Variants in KL observed in about 807,000 individuals in gnomAD.
KL encodes the protein klotho.
Under a neutral mutation model 84.2 loss-of-function variants are expected in KL, and 62 were observed. The ratio of observed to expected loss-of-function variants is 0.74; its 90% CI spans 0.60 to 0.91. The LOEUF (loss-of-function observed/expected upper bound fraction) is 0.91, where lower values mean the gene tolerates loss of function less well. Among genes scored for constraint, KL ranks in the 40% least tolerant of loss-of-function variants. KL has a pLI of 0.00. For synonymous variants in KL, 528 were observed against 528.0 expected, an observed-to-expected ratio of 1.00 and a Z score of 0.00; for missense variants, 1,261 against 1,305.7, an observed-to-expected ratio of 0.97 and a Z score of 0.53.
chr13:33,052,140 T>A (rs1871778369), intron 1 of KL, among the ~76,000 whole-genome samples: 1 of 152,078 alleles, frequency 6.6e-6, no homozygotes, highest in Non-Finnish European at 1.5e-5. Flanking sequence ...GATTTTTTGG[T>A]AGAAATGGGG....
Position 33,041,553 on chromosome 13 carries a change from C to G in KL, c.820-12214C>G, listed in dbSNP as rs111257143. Among the ~76,000 whole-genome samples the G allele has an allele frequency of 6.1e-4, 93 of 152,022 alleles. 1 individual carries two copies. Among genetic ancestry groups the G allele is most frequent in the Non-Finnish European group, 7.1e-4 (48 of 67,972 alleles). ...TTTCCATGTATTGACTTAGTTAATCCTCACAAGGATATAACCATGAGGTGC... is the reference window on the plus strand; with the variant it reads ...TTTCCATGTATTGACTTAGTTAATCGTCACAAGGATATAACCATGAGGTGC... On this transcript the variant is annotated intron_variant, in intron 1 of 4. Transcript: ENST00000380099.
At chr13:33,025,820 T>A (rs538185482) in intron 1 of KL, among the ~76,000 whole-genome samples, 31 of 151,716 alleles carry the variant, frequency 2.0e-4, no homozygotes, top group African/African-American at 6.8e-4. Context: ...TCAGGTTTTT[T>A]CCCCCCAGCT....
Position 33,030,449 on chromosome 13 carries a change from T to C in KL, c.819+13190T>C, listed in dbSNP as rs567350085. On this transcript the variant is annotated intron_variant, in intron 1 of 4. Coordinates refer to ENST00000380099, the MANE Select transcript of KL (RefSeq NM_004795.4). ...TTTCTGAAATTCACATTATCTTCCC[T>C]TTTAAAGTTGAGAAAATTTTCATTC... Among the ~76,000 whole-genome samples, 9 of 152,338 alleles carry C rather than the reference T, an allele frequency of 5.9e-5. No individual in the cohort carries two copies. In the South Asian group the frequency reaches 1.0e-3, roughly 18 times the overall value.
rs1408975385 is a variant in KL, at chr13:33,065,709, A to G, written c.*1523A>G. On this transcript the variant is annotated 3_prime_UTR_variant, in exon 5 of 5. Transcript: ENST00000380099. Reference sequence around the variant, plus strand: ...ATATATTTTTCTGATTATAAGAGTAATATATGTTCATTGTAAAAATTTTTA... The same window carrying G: ...ATATATTTTTCTGATTATAAGAGTAGTATATGTTCATTGTAAAAATTTTTA... 1 of 176,400 alleles carries G rather than the reference A, an allele frequency of 5.7e-6. No homozygotes were observed. The highest frequency in any genetic ancestry group is 1.2e-5 in the Non-Finnish European group (1 of 82,092). 10.9% of individuals were successfully genotyped at this position (176,400 alleles called of 1,614,324 possible).
intron 1 of KL, among the ~76,000 whole-genome samples, chr13:33,045,294 A>C (rs1871485114): frequency 6.6e-6 from 1 of 152,162 alleles, no homozygotes; most frequent in South Asian, 2.1e-4. Context: ...TTATCTGTGA[A>C]TAGGGATAGT....
intron 3 of KL, among the ~76,000 whole-genome samples, chr13:33,058,575 C>T (rs898980632): frequency 6.6e-6 from 1 of 152,042 alleles, no homozygotes. Flanking sequence ...CTCCTGACCT[C>T]GGGATCCACC....
At chr13:33,038,317 C>T (rs1015141446) in intron 1 of KL, among the ~76,000 whole-genome samples, 1 of 152,176 alleles carries the variant, frequency 6.6e-6, no homozygotes, top group African/African-American at 2.4e-5. Flanking sequence ...TGGGTAAATT[C>T]TTATATCTGT....
chr13:33,061,928 T>C (rs1031111616), intron 4 of KL, 148 bp downstream of exon 4: 9 of 806,572 alleles, frequency 1.1e-5, no homozygotes, highest in Non-Finnish European at 1.6e-5. Flanking sequence ...CCAAGAGATA[T>C]CTAGCATTTC....
chr13:33,034,857 C>T (rs537041619), intron 1 of KL, among the ~76,000 whole-genome samples: 1 of 152,258 alleles, frequency 6.6e-6, no homozygotes, highest in African/African-American at 2.4e-5. Context: ...GATCTTGACC[C>T]ATAGTAAGAA....
At chr13:33,050,154 T>G (rs568971656) in intron 1 of KL, among the ~76,000 whole-genome samples, 3 of 152,368 alleles carry the variant, frequency 2.0e-5, no homozygotes, top group African/African-American at 7.2e-5. Context: ...TTGTTTTCAA[T>G]GTTTGGCTAT....
intron 3 of KL, among the ~76,000 whole-genome samples, chr13:33,059,795 G>T (rs1391743006): frequency 6.6e-6 from 1 of 152,024 alleles, no homozygotes; most frequent in Non-Finnish European, 1.5e-5. Flanking sequence ...TCTACCATCA[G>T]TCAGATTGAA....
rs121908423 is a variant in KL, at chr13:33,017,018, A to G, written c.578A>G (p.His193Arg). The change falls in exon 1 of 5, where the codon CAC (histidine) becomes CGC (arginine). Residue 193 changes from histidine (H) to arginine (R), a missense_variant. Coordinates refer to ENST00000380099, the MANE Select transcript of KL (RefSeq NM_004795.4). ...GTGCAGCCCGTGGTCACCCTGTACC[A>G]CTGGGACCTGCCCCAGCGCCTGCAG... ...LGVQPVVTLY[H>R]WDLPQRLQDA... 3.1e-6 allele frequency: 5 copies of G among 1,596,426 alleles called. No individual in the cohort carries two copies. The highest frequency in any genetic ancestry group is 4.3e-6 in the Non-Finnish European group (5 of 1,175,422).
chr13:33,062,672 C>CAAAAAAAA (rs35287139), intron 4 of KL, among the ~76,000 whole-genome samples: 4 of 68,092 alleles, frequency 5.9e-5, no homozygotes, highest in African/African-American at 2.4e-4. Flanking sequence ...GACTCCATCT[C>CAAAAAAAA]AAAAAAAAAA....
At chr13:33,038,756 T>C (rs915689503) in intron 1 of KL, among the ~76,000 whole-genome samples, 1 of 152,178 alleles carries the variant, frequency 6.6e-6, no homozygotes, top group Admixed American at 6.5e-5. Flanking sequence ...AAGTGAGTGA[T>C]TGAATTAGTT....
chr13:33,024,552 G>T (rs1283614928), intron 1 of KL, among the ~76,000 whole-genome samples: 1 of 152,196 alleles, frequency 6.6e-6, no homozygotes, highest in African/African-American at 2.4e-5. Flanking sequence ...TCCCAAAGGA[G>T]GCATATTTGT....
chr13:33,053,910 C>G lies in KL; in HGVS notation c.963C>G (p.Asp321Glu). 2 of 1,614,152 alleles carry G rather than the reference C, an allele frequency of 1.2e-6. No homozygotes were observed. Among genetic ancestry groups the G allele is most frequent in the Non-Finnish European group, 8.5e-7 (1 of 1,180,030 alleles). ...TCAAAGAATGTCAAAAATCTCTGGA[C>G]TTTGTACTAGGTTGGTTTGCCAAAC... is the stretch of plus-strand genomic sequence containing the variant. ...HSIKECQKSLDFVLGWFAKPV... is the reference protein window; with the variant it reads ...HSIKECQKSLEFVLGWFAKPV... The change falls in exon 2 of 5, where the codon GAC (aspartate) becomes GAG (glutamate). Residue 321 changes from aspartate to glutamate, a missense_variant. Asp to Glu is a conservative substitution (Grantham distance 45). Transcript: ENST00000380099.
chr13:33,054,424 C>A, intron 2 of KL, 147 bp downstream of exon 2: 1 of 792,766 alleles, frequency 1.3e-6, no homozygotes, highest in Non-Finnish European at 2.0e-6. Context: ...ATTCATTTAA[C>A]ACCTTTCTCA....
chr13:33,029,768 G>A (rs1461750504), intron 1 of KL, among the ~76,000 whole-genome samples: 1 of 152,100 alleles, frequency 6.6e-6, no homozygotes, highest in Non-Finnish European at 1.5e-5. Context: ...CGAGTAGCTG[G>A]GACTACAGGC....
intron 1 of KL, among the ~76,000 whole-genome samples, chr13:33,041,510 A>T (rs949226651): frequency 1.3e-5 from 2 of 152,032 alleles, no homozygotes; most frequent in African/African-American, 4.8e-5. Context: ...CTTCCATAGC[A>T]TTTACAATTC....
Sources: allele counts gnomAD v4.1 joint callset (sites outside exome capture counted in the v4.1 genomes callset), GRCh38; gene constraint gnomAD v4.1.1; transcripts MANE v1.5; gene names NCBI Gene and HGNC (gene_info 2026-07-23, HGNC 2026-07-21).